CACNG2: variants seen among roughly 807,000 people sequenced by gnomAD.
CACNG2 encodes calcium voltage-gated channel auxiliary subunit gamma 2.
A neutral mutation model predicts 25.9 loss-of-function variants in CACNG2; 3 were observed. The ratio of observed to expected loss-of-function variants is 0.12; its 90% CI spans 0.05 to 0.30. CACNG2 has a LOEUF of 0.30. CACNG2 is among the 10% of genes least tolerant of loss of function. The probability of loss-of-function intolerance (pLI) is 1.00; values close to 1 mark genes in which losing one functional copy is unlikely to be tolerated. For synonymous variants in CACNG2, 167 were observed against 173.3 expected, an observed-to-expected ratio of 0.96 and a Z score of 0.29; for missense variants, 341 against 432.5, an observed-to-expected ratio of 0.79 and a Z score of 1.88.
chr22:36,673,692 C>T (rs576322888), intron 1 of CACNG2, among the ~76,000 whole-genome samples: 467 of 152,214 alleles, frequency 3.1e-3, no homozygotes, highest in Non-Finnish European at 5.2e-3. Context: ...GAGCAGAGGA[C>T]CGCAGGTAGG....
At chr22:36,701,700 G>T (rs908737351) in intron 1 of CACNG2, among the ~76,000 whole-genome samples, 17 of 152,290 alleles carry the variant, frequency 1.1e-4, no homozygotes, top group African/African-American at 3.9e-4. Flanking sequence ...TGTGAGAGAC[G>T]TATGTATTTT....
chr22:36,656,601 C>T lies in CACNG2; in HGVS notation c.211+45765G>A, dbSNP rs148327997. On this transcript the variant is annotated intron_variant, in intron 1 of 3. Coordinates refer to ENST00000300105, the MANE Select transcript of CACNG2 (RefSeq NM_006078.5). ...CACCAGCCAGAAAATGACTTTCCTC[C>T]GCTCAAAGTCCTCCAACAGCTCCCA... Among the ~76,000 whole-genome samples the T allele has an allele frequency of 8.7e-4, 132 of 151,938 alleles. 1 individual carries two copies. Among genetic ancestry groups the T allele is most frequent in the African/African-American group, 2.9e-3 (120 of 41,438 alleles).
intron 2 of CACNG2, among the ~76,000 whole-genome samples, chr22:36,573,161 C>T (rs1569016770): frequency 6.6e-6 from 1 of 152,094 alleles, no homozygotes; most frequent in Non-Finnish European, 1.5e-5. Context: ...TACACAAACT[C>T]GTTAGTTCTC....
intron 2 of CACNG2, chr22:36,584,758 G>A (rs1263305680): frequency 6.6e-6 from 1 of 152,276 alleles, no homozygotes; most frequent in African/African-American, 2.4e-5. Flanking sequence ...ATTCCAGCAT[G>A]CAGCATAAAC....
intron 1 of CACNG2, among the ~76,000 whole-genome samples, chr22:36,591,610 C>G (rs1935593717): frequency 6.6e-6 from 1 of 152,118 alleles, no homozygotes; most frequent in South Asian, 2.1e-4. Context: ...GTGTTCGAGG[C>G]TGCAGTGAGC....
intron 2 of CACNG2, among the ~76,000 whole-genome samples, chr22:36,571,777 T>C (rs759040887): frequency 1.0e-4 from 15 of 150,498 alleles, no homozygotes; most frequent in South Asian, 4.2e-4. Flanking sequence ...CTTGGGGGGC[T>C]GAGGCAGGAG....
At chr22:36,655,715 CTTTCTTTCT>C (rs1019148861) in intron 1 of CACNG2, among the ~76,000 whole-genome samples, 1 of 132,902 alleles carries the variant, frequency 7.5e-6, no homozygotes, top group Admixed American at 7.1e-5. Flanking sequence ...TTCTCTTTCT[CTTTCTTTCT>C]TTTCTTTCTT....
At chr22:36,593,761 A>G (rs898561078) in intron 1 of CACNG2, among the ~76,000 whole-genome samples, 1 of 151,950 alleles carries the variant, frequency 6.6e-6, no homozygotes, top group African/African-American at 2.4e-5. Context: ...ATTGGTCCCA[A>G]CGCCTCTGGT....
intron 1 of CACNG2, among the ~76,000 whole-genome samples, chr22:36,594,622 G>T (rs1935644443): frequency 6.6e-6 from 1 of 152,166 alleles, no homozygotes; most frequent in South Asian, 2.1e-4. Flanking sequence ...GCAGGTGCCT[G>T]AGCTGACACA....
intron 1 of CACNG2, among the ~76,000 whole-genome samples, chr22:36,640,282 C>A (rs1156954521): frequency 6.6e-6 from 1 of 152,234 alleles, no homozygotes; most frequent in Non-Finnish European, 1.5e-5. Flanking sequence ...ACAGAAAAGC[C>A]TGTTAAGTGT....
chr22:36,681,982 T>A (rs567650187), intron 1 of CACNG2, among the ~76,000 whole-genome samples: 21 of 152,134 alleles, frequency 1.4e-4, no homozygotes, highest in Non-Finnish European at 2.8e-4. Flanking sequence ...GGACCAACTC[T>A]CCCTCTACCA....
intron 2 of CACNG2, among the ~76,000 whole-genome samples, chr22:36,572,176 G>A (rs934107860): frequency 3.3e-5 from 5 of 152,188 alleles, no homozygotes; most frequent in African/African-American, 1.2e-4. Flanking sequence ...CATTTATGGA[G>A]CCCCTCCCCT....
intron 1 of CACNG2, among the ~76,000 whole-genome samples, chr22:36,692,777 G>T (rs1285635639): frequency 6.6e-6 from 1 of 152,226 alleles, no homozygotes; most frequent in Non-Finnish European, 1.5e-5. Flanking sequence ...CATGGTCCCT[G>T]CCCTCATGGG....
chr22:36,627,270 G>C (rs562767883), intron 1 of CACNG2, among the ~76,000 whole-genome samples: 1 of 147,606 alleles, frequency 6.8e-6, no homozygotes, highest in East Asian at 2.0e-4. Flanking sequence ...AAGTGGATGA[G>C]AGTGGGGACG....
intron 1 of CACNG2, among the ~76,000 whole-genome samples, chr22:36,614,392 C>T (rs941720268): frequency 6.6e-6 from 1 of 152,176 alleles, no homozygotes; most frequent in Non-Finnish European, 1.5e-5. Context: ...TCCCTTCCCC[C>T]ACATCACCCC....
chr22:36,634,955 T>C (rs143388661), intron 1 of CACNG2, among the ~76,000 whole-genome samples: 10 of 152,194 alleles, frequency 6.6e-5, no homozygotes, highest in Non-Finnish European at 1.3e-4. Flanking sequence ...CACCCAGATA[T>C]TGGAAGAAAG....
intron 1 of CACNG2, among the ~76,000 whole-genome samples, chr22:36,648,065 C>A (rs1936554505): frequency 6.6e-6 from 1 of 152,144 alleles, no homozygotes; most frequent in Non-Finnish European, 1.5e-5. Flanking sequence ...AAGCAAAAGC[C>A]AGAGGAGAAA....
In CACNG2 at chr22:36,703,576, CGGCT is replaced by C. The variant is rs76570432; in HGVS notation, c.-1004_-1001del. 76,237 of 151,410 alleles carry C rather than the reference CGGCT, an allele frequency of 0.5. 20,183 individuals are homozygous for C. Among genetic ancestry groups the C allele is most frequent in the African/African-American group, 0.67 (27,633 of 41,106 alleles). The allele number at this position is 151,410 out of a possible 1,614,324, so 9.4% of individuals were successfully genotyped here. On this transcript the variant is annotated 5_prime_UTR_variant, in exon 1 of 4. Coordinates refer to ENST00000300105, the MANE Select transcript of CACNG2 (RefSeq NM_006078.5). ...TGCGCCGCCCGCTCCGCGCGCTCCC[CGGCT>C]GGCTCCCAGGGCCGCCCGCCAGGAG...
chr22:36,665,490 AC>A (rs1446081613), intron 1 of CACNG2, among the ~76,000 whole-genome samples: 7 of 152,218 alleles, frequency 4.6e-5, no homozygotes, highest in African/African-American at 1.7e-4. Flanking sequence ...TGCTCAGACT[AC>A]TCCCCTTTTT....
Sources: gnomAD v4.1 joint callset for allele counts (sites outside exome capture counted in the v4.1 genomes callset) on GRCh38, gnomAD v4.1.1 for gene constraint, MANE v1.5 for transcripts, NCBI Gene and HGNC (gene_info 2026-07-23, HGNC 2026-07-21) for gene names.